Variants in CACUL1 observed in about 807,000 individuals in gnomAD.
The protein encoded by CACUL1 is CDK2 associated cullin domain 1.
CACUL1 carries 13 observed loss-of-function variants against 45.2 expected under a neutral mutation model. The ratio of observed to expected loss-of-function variants is 0.29; its 90% CI spans 0.19 to 0.46. CACUL1 has a LOEUF of 0.46. CACUL1 is among the 20% of genes least tolerant of loss of function. The pLI is 1.00. For missense variants in CACUL1, 421 were observed against 471.4 expected (o/e 0.89, Z 0.99); for synonymous variants, 197 against 174.2 (o/e 1.13, Z -1.03).
intron 1 of CACUL1, among the ~76,000 whole-genome samples, chr10:118,753,304 T>TC (rs1193694742): frequency 6.6e-6 from 1 of 152,250 alleles, no homozygotes; most frequent in Non-Finnish European, 1.5e-5. Context: ...TACGCGCTGT[T>TC]CCCACACACA....
chr10:118,697,087 C>T (rs748615802), intron 5 of CACUL1, among the ~76,000 whole-genome samples: 61 of 152,088 alleles, frequency 4.0e-4, no homozygotes, highest in Non-Finnish European at 6.9e-4. Context: ...GTGTTTAAAA[C>T]TTAAAAGATT....
intron 1 of CACUL1, among the ~76,000 whole-genome samples, chr10:118,746,151 C>CAAA (rs376453440): frequency 1.1e-5 from 1 of 91,278 alleles, no homozygotes; most frequent in South Asian, 4.0e-4. Context: ...GACACTGTCT[C>CAAA]AAAAAAAAAA....
At chr10:118,743,571 A>G (rs1845811840) in intron 1 of CACUL1, among the ~76,000 whole-genome samples, 1 of 152,184 alleles carries the variant, frequency 6.6e-6, no homozygotes. Context: ...GCTACTAAAA[A>G]TACAAAAATT....
intron 4 of CACUL1, among the ~76,000 whole-genome samples, chr10:118,706,921 G>A (rs991797940): frequency 1.3e-5 from 2 of 152,162 alleles, no homozygotes; most frequent in African/African-American, 4.8e-5. Flanking sequence ...TCATTCACTA[G>A]TCTAATAAAG....
intron 2 of CACUL1, 31 bp from the exon 3 acceptor site, chr10:118,729,428 A>G (rs1845679314): frequency 1.3e-6 from 2 of 1,505,474 alleles, no homozygotes; most frequent in African/African-American, 1.4e-5. Context: ...CCCACAAACC[A>G]AGTTAATCAT....
Position 118,749,280 on chromosome 10 carries a change from A to G in CACUL1, c.367+5116T>C, listed in dbSNP as rs1283368498. ...AATAACTTCCAGATATAAAATGGGC[A>G]TGATTATTTAAAGAGGCAGCAGGGC... On this transcript the variant is annotated intron_variant, in intron 1 of 8. Coordinates refer to ENST00000369151, the MANE Select transcript of CACUL1 (RefSeq NM_153810.5). 2.0e-5 allele frequency among the ~76,000 whole-genome samples: 3 copies of G among 152,344 alleles called. No individual in the cohort carries two copies. In the East Asian group the frequency reaches 5.8e-4, roughly 29 times the overall value.
intron 1 of CACUL1, among the ~76,000 whole-genome samples, chr10:118,745,696 T>C (rs1486025209): frequency 6.6e-6 from 1 of 152,154 alleles, no homozygotes; most frequent in Non-Finnish European, 1.5e-5. Flanking sequence ...GTAGCAGAGG[T>C]TGTCAGACTG....
At chr10:118,688,550 G>C (rs78206596) in intron 7 of CACUL1, among the ~76,000 whole-genome samples, 2 of 152,276 alleles carry the variant, frequency 1.3e-5, no homozygotes, top group East Asian at 1.9e-4. Context: ...TTATGCAAGA[G>C]GCTGCTGAAG....
At chr10:118,754,075 C>G (rs1296095150) in intron 1 of CACUL1, among the ~76,000 whole-genome samples, 2 of 152,120 alleles carry the variant, frequency 1.3e-5, no homozygotes, top group Non-Finnish European at 2.9e-5. Context: ...AAGACGGGTG[C>G]GAAAAGAGCT....
chr10:118,691,478 T>C, intron 6 of CACUL1, 75 bp from the exon 7 acceptor site: 1 of 1,384,652 alleles, frequency 7.2e-7, no homozygotes, highest in East Asian at 2.3e-5. Context: ...GAAAGTTTTC[T>C]TTTAAAATAT....
chr10:118,684,538 C>T lies in CACUL1; in HGVS notation c.*1590G>A, dbSNP rs908923669. On this transcript the variant is annotated 3_prime_UTR_variant, in exon 9 of 9. Coordinates refer to ENST00000369151, the MANE Select transcript of CACUL1 (RefSeq NM_153810.5). ...TGAGTCCAATTAAAGTCCACAAAAT[C>T]CACGAACTCTGGTTAAGTACTTTAA... 6.6e-6 allele frequency: 1 copy of T among 152,216 alleles called. No homozygotes were observed. The highest frequency in any genetic ancestry group is 1.5e-5 in the Non-Finnish European group (1 of 68,044). The allele number at this position is 152,216 out of a possible 1,614,324, so 9.4% of individuals were successfully genotyped here.
At chr10:118,750,182 C>T (rs1174407434) in intron 1 of CACUL1, among the ~76,000 whole-genome samples, 1 of 152,020 alleles carries the variant, frequency 6.6e-6, no homozygotes, top group Non-Finnish European at 1.5e-5. Context: ...AAAAATTAGC[C>T]GGGCATGGTG....
At chr10:118,688,686 T>G (rs1418713448) in intron 7 of CACUL1, among the ~76,000 whole-genome samples, 1 of 152,200 alleles carries the variant, frequency 6.6e-6, no homozygotes, top group East Asian at 1.9e-4. Flanking sequence ...GTAGTTATCT[T>G]CTGTAGTGTT....
intron 1 of CACUL1, among the ~76,000 whole-genome samples, chr10:118,745,498 T>C (rs1845832899): frequency 6.6e-6 from 1 of 151,864 alleles, no homozygotes; most frequent in Non-Finnish European, 1.5e-5. Flanking sequence ...GAGGTAGAGG[T>C]TGCAGTGAGC....
rs760809525 is a variant in CACUL1, at chr10:118,691,455, TA to T, written c.887-53del. On this transcript the variant is annotated intron_variant, in intron 6 of 8. Transcript: ENST00000369151. ...AGGAAATCATATAAACACACCAAAT[TA>T]AATGGAAAAGGGAAAGTTTTCTTTT... 5.9e-6 allele frequency: 9 copies of T among 1,516,300 alleles called. No homozygotes were observed. The South Asian group carries it at 1.1e-4, about 18-fold the overall frequency. 93.9% of individuals were successfully genotyped at this position (1,516,300 alleles called of 1,614,324 possible). A position where few individuals can be genotyped will look rare whatever the true frequency, so the allele number is the denominator to read the frequency against.
chr10:118,749,149 T>TACAAG (rs1845872364), intron 1 of CACUL1, among the ~76,000 whole-genome samples: 1 of 152,128 alleles, frequency 6.6e-6, no homozygotes, highest in Non-Finnish European at 1.5e-5. Flanking sequence ...AAAAATGCTG[T>TACAAG]GGTGGTTGTC....
chr10:118,749,972 A>G (rs911440571), intron 1 of CACUL1, among the ~76,000 whole-genome samples: 10 of 152,254 alleles, frequency 6.6e-5, no homozygotes, highest in Admixed American at 2.6e-4. Flanking sequence ...AACTCGAAGC[A>G]ACAAACAACA....
chr10:118,699,863 T>C (rs546530813), intron 5 of CACUL1, among the ~76,000 whole-genome samples: 20 of 152,064 alleles, frequency 1.3e-4, no homozygotes, highest in African/African-American at 4.8e-4. Flanking sequence ...TTAGCCAGGA[T>C]GATCTCAATC....
intron 5 of CACUL1, among the ~76,000 whole-genome samples, chr10:118,698,257 C>A (rs983502411): frequency 3.3e-5 from 5 of 151,778 alleles, no homozygotes; most frequent in African/African-American, 1.2e-4. Context: ...GATTCTCCTG[C>A]CTCAGCCTCC....
Sources: allele counts gnomAD v4.1 joint callset (sites outside exome capture counted in the v4.1 genomes callset), GRCh38; gene constraint gnomAD v4.1.1; transcripts MANE v1.5; gene names NCBI Gene and HGNC (gene_info 2026-07-23, HGNC 2026-07-21).